The following PAFAH1B1 variants were observed in gnomAD, a reference collection of about 807,000 sequenced individuals.
The protein encoded by PAFAH1B1 is platelet-activating factor acetylhydrolase IB subunit beta.
PAFAH1B1 carries 2 observed loss-of-function variants against 57.5 expected under a neutral mutation model. The observed-to-expected ratio is 0.03, with a 90% CI of 0.01 to 0.11. The LOEUF (loss-of-function observed/expected upper bound fraction) is 0.11. Among genes scored for constraint, PAFAH1B1 ranks in the 10% least tolerant of loss-of-function variants. The pLI is 1.00. For missense variants in PAFAH1B1, 257 were observed against 512.0 expected, an observed-to-expected ratio of 0.50 and a Z score of 4.81; for synonymous variants, 152 against 169.6, an observed-to-expected ratio of 0.90 and a Z score of 0.81.
At chr17:2,681,201 A>C (rs965385868) in intron 10 of PAFAH1B1, 1 of 152,652 alleles carries the variant, frequency 6.6e-6, no homozygotes, top group Non-Finnish European at 1.5e-5. Flanking sequence ...CAGCCACTGC[A>C]CTCCAGCCTG....
intron 1 of PAFAH1B1, among the ~76,000 whole-genome samples, chr17:2,627,640 T>G (rs952767027): frequency 8.5e-5 from 13 of 152,234 alleles, no homozygotes; most frequent in African/African-American, 3.1e-4. Context: ...GATGGTATTT[T>G]GATGGGGATT....
chr17:2,626,569 CCCG>C (rs2068495460), intron 1 of PAFAH1B1, among the ~76,000 whole-genome samples: 2 of 74,524 alleles, frequency 2.7e-5, no homozygotes, highest in Non-Finnish European at 6.6e-5. Flanking sequence ...CCCCCCCCCC[CCCG>C]AGGCGGAGTC....
rs1386851020 is a variant in PAFAH1B1, at chr17:2,680,148, C to CT, written c.1003-10dup. On this transcript the variant is annotated splice_polypyrimidine_tract_variant and intron_variant, in intron 9 of 10. Transcript: ENST00000397195. ...TTTTGCCTTTTACTGAGTCAAATAA[C>CT]TTTTTTGTTTTTAAGGTGGGTCATG... The CT allele has an allele frequency of 1.2e-6, 2 of 1,612,820 alleles. No individual in the cohort carries two copies. The highest frequency in any genetic ancestry group is 1.7e-6 in the Non-Finnish European group (2 of 1,179,512).
In PAFAH1B1 at chr17:2,685,365, A is replaced by G. The variant is rs1186762144; in HGVS notation, c.*3563A>G. 1 of 152,630 alleles carries G rather than the reference A, an allele frequency of 6.6e-6. No homozygotes were observed. Among genetic ancestry groups the G allele is most frequent in the East Asian group, 1.9e-4 (1 of 5,198 alleles). 9.5% of individuals were successfully genotyped at this position (152,630 alleles called of 1,614,324 possible). On this transcript the variant is annotated 3_prime_UTR_variant, in exon 11 of 11. Coordinates refer to ENST00000397195, the MANE Select transcript of PAFAH1B1 (RefSeq NM_000430.4). The stretch of plus-strand genomic sequence containing the variant: ...TTGATCCTGACACTGACATGAAGGC[A>G]AGCCTTGATTTCGTATGAACGTTGC...
chr17:2,622,447 A>G (rs1050940587), intron 1 of PAFAH1B1, among the ~76,000 whole-genome samples: 4 of 152,314 alleles, frequency 2.6e-5, no homozygotes, highest in African/African-American at 7.2e-5. Flanking sequence ...TACAGGGCCC[A>G]TGCAAGTCCA....
rs2069418843 is a variant in PAFAH1B1, at chr17:2,683,510, A to G, written c.*1708A>G. 6.6e-6 allele frequency: 1 copy of G among 152,192 alleles called. No individual in the cohort carries two copies. The highest frequency in any genetic ancestry group is 1.5e-5 in the Non-Finnish European group (1 of 68,034). The allele number at this position is 152,192 out of a possible 1,614,324, so 9.4% of individuals were successfully genotyped here. ...GTTAGCGTCCTGTAGATACACACAG[A>G]GACTAGGCCGTATATTAACTAGAAG... On this transcript the variant is annotated 3_prime_UTR_variant, in exon 11 of 11. Transcript: ENST00000397195.
upstream of PAFAH1B1, chr17:2,593,460 G>C (rs900098271): frequency 6.5e-6 from 1 of 152,880 alleles, no homozygotes; most frequent in Non-Finnish European, 1.5e-5. Context: ...TCGCCCGCCG[G>C]CCGGGTGGCA....
upstream of PAFAH1B1, among the ~76,000 whole-genome samples, chr17:2,593,578 C>T (rs1325865620): frequency 6.7e-6 from 1 of 148,788 alleles, no homozygotes; most frequent in Non-Finnish European, 1.5e-5. Context: ...CTCCCTCTTC[C>T]TGGCGGGTCT....
chr17:2,652,160 C>T (rs567474023), intron 2 of PAFAH1B1, among the ~76,000 whole-genome samples: 27 of 37,796 alleles, frequency 7.1e-4, no homozygotes, highest in African/African-American at 1.1e-3. Flanking sequence ...GCCTGTAATC[C>T]CACACTTTGG....
At chr17:2,664,082 C>T (rs1425094960) in intron 2 of PAFAH1B1, among the ~76,000 whole-genome samples, 1 of 152,140 alleles carries the variant, frequency 6.6e-6, no homozygotes, top group East Asian at 1.9e-4. Context: ...GCTGGCCTAA[C>T]CCTGTAATTA....
intron 1 of PAFAH1B1, among the ~76,000 whole-genome samples, chr17:2,625,091 T>C (rs1327354977): frequency 2.6e-5 from 4 of 152,074 alleles, no homozygotes; most frequent in African/African-American, 9.7e-5. Context: ...AATAAACACA[T>C]TGTTGTCTTA....
chr17:2,635,333 C>T (rs949728118), intron 1 of PAFAH1B1: 2 of 151,984 alleles, frequency 1.3e-5, no homozygotes. Context: ...TTAGATAATC[C>T]TACTGTGCCA....
intron 2 of PAFAH1B1, among the ~76,000 whole-genome samples, chr17:2,654,905 G>A (rs558033184): frequency 6.6e-6 from 1 of 150,996 alleles, no homozygotes; most frequent in South Asian, 2.1e-4. Flanking sequence ...GCCTCTCGAA[G>A]TGCTGGAATT....
intron 2 of PAFAH1B1, among the ~76,000 whole-genome samples, chr17:2,645,828 T>C (rs1207701096): frequency 3.3e-5 from 5 of 150,760 alleles, no homozygotes; most frequent in Non-Finnish European, 7.4e-5. Flanking sequence ...ATGGTCTCAC[T>C]CTCCTGACCT....
At chr17:2,618,414 C>G (rs535355549) in intron 1 of PAFAH1B1, among the ~76,000 whole-genome samples, 185 of 152,118 alleles carry the variant, frequency 1.2e-3, no homozygotes, top group African/African-American at 4.2e-3. Context: ...TTTTAAAACT[C>G]TAGAAATTTA....
chr17:2,683,971 A>G lies in PAFAH1B1; in HGVS notation c.*2169A>G, dbSNP rs1208694071. ...AGAAATCACTCATAGATATTGAACA[A>G]TAAAGGAGAATGGTACCGATGCAGG... On this transcript the variant is annotated 3_prime_UTR_variant, in exon 11 of 11. Transcript: ENST00000397195. 1 of 152,694 alleles carries G rather than the reference A, an allele frequency of 6.5e-6. No individual in the cohort carries two copies. The highest frequency in any genetic ancestry group is 1.5e-5 in the Non-Finnish European group (1 of 68,050). The allele number at this position is 152,694 out of a possible 1,614,324, so 9.5% of individuals were successfully genotyped here.
chr17:2,612,032 T>C (rs542074127), intron 1 of PAFAH1B1, among the ~76,000 whole-genome samples: 2 of 152,292 alleles, frequency 1.3e-5, no homozygotes, highest in African/African-American at 4.8e-5. Context: ...ATATCATTGA[T>C]AGCTATTAGG....
rs1202095137 is a variant in PAFAH1B1, at chr17:2,667,210, T to C, written c.399+12T>C. 1 of 1,602,270 alleles carries C rather than the reference T, an allele frequency of 6.2e-7. No homozygotes were observed. The highest frequency in any genetic ancestry group is 1.1e-5 in the South Asian group (1 of 90,832). On this transcript the variant is annotated intron_variant, in intron 5 of 10. Transcript: ENST00000397195. ...ATGCTACAATTAAGGTAATTTTTTG[T>C]TAAAAGCAGACTTAACGGGAGGCTG...
intron 1 of PAFAH1B1, among the ~76,000 whole-genome samples, chr17:2,616,660 C>T (rs1314967095): frequency 2.0e-5 from 3 of 152,152 alleles, no homozygotes; most frequent in African/African-American, 4.8e-5. Flanking sequence ...AACATCTAAA[C>T]TATTGTTTGA....
Sources: allele counts gnomAD v4.1 joint callset (sites outside exome capture counted in the v4.1 genomes callset), GRCh38; gene constraint gnomAD v4.1.1; transcripts MANE v1.5; gene names NCBI Gene and HGNC (gene_info 2026-07-23, HGNC 2026-07-21).